Variants in JPT1 observed in about 807,000 individuals in gnomAD.
JPT1 encodes the protein Jupiter microtubule associated homolog 1.
In JPT1, 5 loss-of-function variants were observed where a neutral mutation model predicts 17.0. The ratio of observed to expected loss-of-function variants is 0.29; its 90% CI spans 0.15 to 0.62. The LOEUF is 0.62. Among genes scored for constraint, JPT1 ranks in the 20% least tolerant of loss-of-function variants. The pLI, the probability that JPT1 is intolerant of heterozygous loss-of-function variation, is 0.85. For missense variants in JPT1, 158 were observed against 188.1 expected (o/e 0.84, Z 0.94); for synonymous variants, 71 against 73.6 (o/e 0.96, Z 0.18).
chr17:75,147,409 A>G, intron 3 of JPT1, 147 bp downstream of exon 3: 1 of 591,606 alleles, frequency 1.7e-6, no homozygotes, highest in Non-Finnish European at 3.0e-6. Context: ...CTATGATTTT[A>G]CTATCAATCT....
intron 3 of JPT1, 101 bp downstream of exon 3, chr17:75,147,455 A>T: frequency 1.3e-6 from 1 of 782,718 alleles, no homozygotes; most frequent in Non-Finnish European, 2.2e-6. Context: ...TTTCCTAACT[A>T]CCTCAATGTA....
At chr17:75,143,124 T>C (rs1480352877) in intron 4 of JPT1, among the ~76,000 whole-genome samples, 1 of 152,206 alleles carries the variant, frequency 6.6e-6, no homozygotes, top group Non-Finnish European at 1.5e-5. Flanking sequence ...GAGGGAATGC[T>C]ACATGGAGAG....
At chr17:75,144,520 TAAAAA>T (rs895575393) in intron 4 of JPT1, among the ~76,000 whole-genome samples, 8 of 150,710 alleles carry the variant, frequency 5.3e-5, no homozygotes, top group African/African-American at 1.9e-4. Context: ...TAGAAAAAAA[TAAAAA>T]AAAATGTATC....
At chr17:75,154,319 C>T (rs1031764440) in intron 1 of JPT1, 23 bp downstream of exon 1, 2 of 1,536,200 alleles carry the variant, frequency 1.3e-6, no homozygotes, top group South Asian at 1.2e-5. Flanking sequence ...CCGCGCGGCT[C>T]GGGCGCGACC....
chr17:75,137,386 T>A (rs564979783), intron 4 of JPT1, among the ~76,000 whole-genome samples: 2 of 152,064 alleles, frequency 1.3e-5, no homozygotes, highest in Non-Finnish European at 1.5e-5. Context: ...AGACAGGGTC[T>A]CACTCTGTGG....
At chr17:75,150,282 T>C (rs1349009978) in intron 1 of JPT1, among the ~76,000 whole-genome samples, 1 of 151,634 alleles carries the variant, frequency 6.6e-6, no homozygotes, top group East Asian at 1.9e-4. Context: ...AGGCACAATC[T>C]CGCTCTTGTC....
chr17:75,144,654 G>A (rs1026759321), intron 4 of JPT1, among the ~76,000 whole-genome samples: 2 of 152,208 alleles, frequency 1.3e-5, no homozygotes, highest in East Asian at 3.9e-4. Flanking sequence ...GAAGCCAGTC[G>A]GTCAGAAGTT....
intron 2 of JPT1, chr17:75,148,075 A>G (rs1425863608): frequency 4.5e-6 from 1 of 221,458 alleles, no homozygotes; most frequent in African/African-American, 2.3e-5. Flanking sequence ...ATGAGGAAAC[A>G]GTCTTAAGGA....
chr17:75,144,209 A>G (rs1048117743), intron 4 of JPT1, among the ~76,000 whole-genome samples: 1 of 152,084 alleles, frequency 6.6e-6, no homozygotes, highest in African/African-American at 2.4e-5. Flanking sequence ...TGGGCTGTTT[A>G]TTTGTATCCT....
chr17:75,147,001 C>A (rs1383244301), intron 3 of JPT1, among the ~76,000 whole-genome samples: 1 of 152,220 alleles, frequency 6.6e-6, no homozygotes, highest in African/African-American at 2.4e-5. Flanking sequence ...CCTTTCATTT[C>A]TCTCTCCTTT....
rs60118585 is a variant in JPT1, at chr17:75,137,685, C to CTTTTT, written c.317-1440_317-1436dup. Reference sequence around the variant, plus strand: ...TCACCCTTCACACAGCCTAGTTTTCCTTTTTTTTTTTTTTTTTTTTTTTTT... The same window carrying CTTTTT: ...TCACCCTTCACACAGCCTAGTTTTCCTTTTTTTTTTTTTTTTTTTTTTTTTTTTTT... On this transcript the variant is annotated intron_variant, in intron 4 of 4. Coordinates refer to ENST00000409753, the MANE Select transcript of JPT1 (RefSeq NM_016185.4). 6.5e-4 allele frequency among the ~76,000 whole-genome samples: 73 copies of CTTTTT among 112,834 alleles called. 4 individuals are homozygous for CTTTTT. Among genetic ancestry groups the CTTTTT allele is most frequent in the South Asian group, 3.8e-3 (13 of 3,416 alleles). The allele number at this position is 112,834 out of a possible 152,430, so 74.0% of individuals were successfully genotyped here. A position where few individuals can be genotyped will look rare whatever the true frequency, so the allele number is the denominator to read the frequency against.
chr17:75,148,243 G>A (rs921088905), intron 2 of JPT1, among the ~76,000 whole-genome samples: 1 of 152,042 alleles, frequency 6.6e-6, no homozygotes, highest in African/African-American at 2.4e-5. Flanking sequence ...GCTGTAGTTG[G>A]TTTTTCTTTT....
In JPT1 at chr17:75,136,326, TTTC is replaced by T. The variant is rs982580829; in HGVS notation, c.317-79_317-77del. ...TTAAGATCAAGGATCTGTTTCTCTT[TTTC>T]TTTTTTTTTTGGTTTGATGGTTGGA... On this transcript the variant is annotated intron_variant, in intron 4 of 4. Transcript: ENST00000409753. 11 of 1,449,682 alleles carry T rather than the reference TTTC, an allele frequency of 7.6e-6. No individual in the cohort carries two copies. The Admixed American group carries it at 1.7e-4, about 22-fold the overall frequency. The allele number at this position is 1,449,682 out of a possible 1,614,324, so 89.8% of individuals were successfully genotyped here.
Position 75,148,436 on chromosome 17 carries a change from G to A in JPT1, c.199+93C>T, listed in dbSNP as rs1197838579. ...AATTTTTGTTTTGTTTTGTTTTTTA[G>A]ACACGGGGGCACATGCTGGTGCCCA... On this transcript the variant is annotated intron_variant, in intron 2 of 4. Coordinates refer to ENST00000409753, the MANE Select transcript of JPT1 (RefSeq NM_016185.4). 4.9e-5 allele frequency: 72 copies of A among 1,466,226 alleles called. No homozygotes were observed. In the East Asian group the frequency reaches 1.6e-3, roughly 32 times the overall value. The allele number at this position is 1,466,226 out of a possible 1,614,324, so 90.8% of individuals were successfully genotyped here.
chr17:75,151,645 C>T (rs2074554586), intron 1 of JPT1, among the ~76,000 whole-genome samples: 1 of 149,442 alleles, frequency 6.7e-6, no homozygotes. Flanking sequence ...CCTGGCAACA[C>T]AGTGAGACTG....
At chr17:75,149,199 AT>A (rs1235620100) in intron 1 of JPT1, 1 of 446,822 alleles carries the variant, frequency 2.2e-6, no homozygotes, top group South Asian at 1.7e-5. Flanking sequence ...TAAAAAAAAA[AT>A]TAAAAATTAG....
chr17:75,146,717 C>T (rs200584905), intron 3 of JPT1, 33 bp from the exon 4 acceptor site: 1,665 of 1,395,326 alleles, frequency 1.2e-3, no homozygotes, highest in Non-Finnish European at 1.6e-3. Context: ...AATTTACTTC[C>T]TATTTTAATT....
chr17:75,149,648 T>A (rs2074507316), intron 1 of JPT1, among the ~76,000 whole-genome samples: 1 of 151,984 alleles, frequency 6.6e-6, no homozygotes, highest in Non-Finnish European at 1.5e-5. Context: ...ATTACAGGCA[T>A]GAGCCACCAC....
chr17:75,152,738 T>G (rs2074573777), intron 1 of JPT1, among the ~76,000 whole-genome samples: 1 of 152,172 alleles, frequency 6.6e-6, no homozygotes, highest in Admixed American at 6.5e-5. Context: ...CGGCAGAAAG[T>G]TGGCCTCGTA....
Sources: gnomAD v4.1 joint callset for allele counts (sites outside exome capture counted in the v4.1 genomes callset) on GRCh38, gnomAD v4.1.1 for gene constraint, MANE v1.5 for transcripts, NCBI Gene and HGNC (gene_info 2026-07-23, HGNC 2026-07-21) for gene names.